KCNH1: variants seen among roughly 807,000 people sequenced by gnomAD.
The protein encoded by KCNH1 is voltage-gated delayed rectifier potassium channel KCNH1.
Under a neutral mutation model 69.2 loss-of-function variants are expected in KCNH1, and 27 were observed. The observed-to-expected ratio is 0.39, with a 90% CI of 0.29 to 0.54. The LOEUF (loss-of-function observed/expected upper bound fraction) is 0.54, where lower values mean the gene tolerates loss of function less well. Among genes scored for constraint, KCNH1 ranks in the 20% least tolerant of loss-of-function variants. The pLI is 0.68. For missense variants in KCNH1, 798 were observed against 1,261.6 expected (o/e 0.63, Z 5.57); for synonymous variants, 456 against 487.7 (o/e 0.93, Z 0.86).
At chr1:210,982,426 C>T (rs981612058) in intron 6 of KCNH1, among the ~76,000 whole-genome samples, 5 of 152,044 alleles carry the variant, frequency 3.3e-5, no homozygotes, top group Admixed American at 2.0e-4. Context: ...CCCTTCCCCC[C>T]ACTCCACACC....
rs10588037 is a variant in KCNH1 at position 210,935,120 on chromosome 1, TCACACACACACACA to T, written c.1033-15065_1033-15052del. Among the ~76,000 whole-genome samples, 507 of 129,216 alleles carry T rather than the reference TCACACACACACACA, an allele frequency of 3.9e-3. 3 individuals carry two copies. Among genetic ancestry groups the T allele is most frequent in the South Asian group, 0.015 (56 of 3,744 alleles). 84.8% of individuals were successfully genotyped at this position (129,216 alleles called of 152,430 possible). A position where few individuals can be genotyped will look rare whatever the true frequency, so the allele number is the denominator to read the frequency against. ...AACAGATAAATGGGCAAAGAAAATG[TCACACACACACACA>T]CACACACACACACACACACACACAC... is the stretch of plus-strand genomic sequence containing the variant. On this transcript the variant is annotated intron_variant, in intron 6 of 10. Coordinates refer to ENST00000271751, the MANE Select transcript of KCNH1 (RefSeq NM_172362.3).
intron 7 of KCNH1, among the ~76,000 whole-genome samples, chr1:210,816,435 C>A (rs1039672689): frequency 2.0e-5 from 3 of 152,176 alleles, no homozygotes; most frequent in African/African-American, 7.2e-5. Flanking sequence ...TTAATAGCAC[C>A]ACAGATAAAA....
intron 10 of KCNH1, among the ~76,000 whole-genome samples, chr1:210,688,537 G>A (rs772617835): frequency 6.6e-6 from 1 of 152,218 alleles, no homozygotes; most frequent in African/African-American, 2.4e-5. Flanking sequence ...GAGATCACAG[G>A]TAACTTCTCT....
intron 10 of KCNH1, 138 bp downstream of exon 10, chr1:210,775,210 A>C (rs1277860004): frequency 1.4e-6 from 1 of 700,246 alleles, no homozygotes; most frequent in East Asian, 2.7e-5. Context: ...AGCCCCGCAG[A>C]GCAAACAACA....
At chr1:210,819,732 T>A (rs1028292815) in intron 7 of KCNH1, among the ~76,000 whole-genome samples, 1 of 152,356 alleles carries the variant, frequency 6.6e-6, no homozygotes, top group Admixed American at 6.5e-5. Flanking sequence ...AGTGTTGTTG[T>A]TGATGAAATT....
chr1:210,971,970 C>T (rs1325305601), intron 6 of KCNH1, among the ~76,000 whole-genome samples: 15 of 152,012 alleles, frequency 9.9e-5, no homozygotes, highest in Admixed American at 9.2e-4. Context: ...GCAGTAGTTA[C>T]CCCTCTTCAG....
At chr1:210,804,453 G>A (rs896116605) in intron 7 of KCNH1, among the ~76,000 whole-genome samples, 1 of 152,210 alleles carries the variant, frequency 6.6e-6, no homozygotes, top group Non-Finnish European at 1.5e-5. Context: ...ACACAGCAGT[G>A]GGGGCTAGGC....
intron 10 of KCNH1, among the ~76,000 whole-genome samples, chr1:210,736,786 G>A (rs900170093): frequency 7.9e-5 from 12 of 152,136 alleles, no homozygotes; most frequent in South Asian, 2.1e-4. Flanking sequence ...TTCTGGAGCC[G>A]TTCTGATTAC....
chr1:210,860,350 A>G, intron 7 of KCNH1: 4 of 1,450,446 alleles, frequency 2.8e-6, no homozygotes, highest in Admixed American at 3.3e-5. Context: ...ATGCTGTTGT[A>G]AAACAGTACC....
At chr1:210,866,274 A>AT (rs1241917003) in intron 7 of KCNH1, among the ~76,000 whole-genome samples, 1 of 152,192 alleles carries the variant, frequency 6.6e-6, no homozygotes, top group Non-Finnish European at 1.5e-5. Context: ...AATGGACTAT[A>AT]TGAAAACCTA....
At chr1:210,916,809 G>T (rs1687340964) in intron 7 of KCNH1, among the ~76,000 whole-genome samples, 1 of 152,048 alleles carries the variant, frequency 6.6e-6, no homozygotes, top group Admixed American at 6.5e-5. Flanking sequence ...CATTGTCCTT[G>T]GCTACATAAT....
chr1:211,106,690 G>C (rs1201277461), intron 2 of KCNH1, among the ~76,000 whole-genome samples: 1 of 151,634 alleles, frequency 6.6e-6, no homozygotes, highest in Non-Finnish European at 1.5e-5. Flanking sequence ...AGCTACTCAG[G>C]AGGCTGAATC....
chr1:210,985,025 G>C (rs879598523), intron 6 of KCNH1, among the ~76,000 whole-genome samples: 4 of 152,188 alleles, frequency 2.6e-5, no homozygotes, highest in Non-Finnish European at 5.9e-5. Flanking sequence ...GGGTGTATAT[G>C]TCGAGGAATT....
intron 6 of KCNH1, among the ~76,000 whole-genome samples, chr1:210,978,565 G>T (rs1349269517): frequency 6.6e-6 from 1 of 152,106 alleles, no homozygotes; most frequent in Admixed American, 6.6e-5. Flanking sequence ...AGTAACTCTA[G>T]ATACTGATTT....
intron 7 of KCNH1, among the ~76,000 whole-genome samples, chr1:210,904,391 A>T (rs1195607149): frequency 6.7e-6 from 1 of 149,114 alleles, no homozygotes; most frequent in Non-Finnish European, 1.5e-5. Flanking sequence ...CCAGGGCCTC[A>T]TCTCTGGTGG....
At chr1:210,802,461 G>GA (rs1167153604) in intron 8 of KCNH1, among the ~76,000 whole-genome samples, 7 of 152,032 alleles carry the variant, frequency 4.6e-5, no homozygotes, top group Non-Finnish European at 8.8e-5. Context: ...GGACTGGAGA[G>GA]AAAAAAGACT....
At chr1:211,096,346 G>GA (rs1691154115) in intron 3 of KCNH1, among the ~76,000 whole-genome samples, 1 of 151,980 alleles carries the variant, frequency 6.6e-6, no homozygotes. Flanking sequence ...TTACAGGTGT[G>GA]AGCCACCGTG....
intron 5 of KCNH1, among the ~76,000 whole-genome samples, chr1:211,065,369 A>G (rs1005288724): frequency 1.3e-5 from 2 of 152,334 alleles, no homozygotes; most frequent in Admixed American, 1.3e-4. Context: ...GTGTTAAGTG[A>G]AATAAGTCAA....
At chr1:210,953,407 C>CT (rs1475214693) in intron 6 of KCNH1, among the ~76,000 whole-genome samples, 2 of 152,174 alleles carry the variant, frequency 1.3e-5, no homozygotes, top group Non-Finnish European at 2.9e-5. Flanking sequence ...CCAAAAGAAG[C>CT]TTTTCAATCC....
Sources: allele counts gnomAD v4.1 joint callset (sites outside exome capture counted in the v4.1 genomes callset), GRCh38; gene constraint gnomAD v4.1.1; transcripts MANE v1.5; gene names NCBI Gene and HGNC (gene_info 2026-07-23, HGNC 2026-07-21).